Variants in ITFG1 observed in about 807,000 individuals in gnomAD.
ITFG1 encodes integrin alpha FG-GAP repeat containing 1.
Under a neutral mutation model 81.8 loss-of-function variants are expected in ITFG1, and 34 were observed. The observed-to-expected ratio is 0.42, with a 90% CI of 0.32 to 0.55. ITFG1 has a LOEUF of 0.55. Ranked by LOEUF, ITFG1 falls within the 20% of genes least tolerant of loss-of-function variation. ITFG1 has a pLI of 0.17. For synonymous variants in ITFG1, 285 were observed against 270.6 expected (o/e 1.05, Z -0.52); for missense variants, 672 against 755.4 (o/e 0.89, Z 1.29).
Position 47,260,577 on chromosome 16 carries a change from T to C in ITFG1, c.1189A>G (p.Met397Val), listed in dbSNP as rs2292171. The C allele has an allele frequency of 1.9e-6, 3 of 1,614,196 alleles. No individual in the cohort carries two copies. The East Asian group carries it at 6.7e-5, about 36-fold the overall frequency. ...LTDLNQIKDA[M>V]VATFFDIYED... ...TAAATGTCAAAGAAGGTGGCAACCA[T>C]GGCATCCTTAATTTGATTTAGGTCT... The change falls in exon 11 of 18, where the codon ATG becomes GTG. Residue 397 changes from methionine to valine, a missense_variant. Around this residue, in one of 3 missense-constraint regions of ITFG1, gnomAD observed 560 missense variants for 625.7 expected, o/e 0.90. Transcript: ENST00000320640.
intron 14 of ITFG1, among the ~76,000 whole-genome samples, chr16:47,181,584 G>A (rs1157572267): frequency 6.2e-5 from 9 of 145,980 alleles, no homozygotes; most frequent in Admixed American, 2.0e-4. Flanking sequence ...CCGGCCAGCC[G>A]CCCCGTCCAG....
chr16:47,432,185 C>T (rs1308075576), intron 5 of ITFG1, among the ~76,000 whole-genome samples: 1 of 152,206 alleles, frequency 6.6e-6, no homozygotes. Context: ...ATTTCCTATT[C>T]TTCTCTACTG....
intron 14 of ITFG1, among the ~76,000 whole-genome samples, chr16:47,185,107 A>T (rs1010165273): frequency 6.6e-6 from 1 of 151,990 alleles, no homozygotes; most frequent in African/African-American, 2.4e-5. Context: ...CACCCAATAC[A>T]GGAGCACCCA....
intron 15 of ITFG1, 127 bp downstream of exon 15, chr16:47,162,411 TTA>T: frequency 1.2e-6 from 1 of 822,332 alleles, no homozygotes; most frequent in Non-Finnish European, 1.8e-6. Flanking sequence ...TCTTTATTCT[TTA>T]AAGGGAATAA....
At chr16:47,449,346 C>G (rs369928784) in intron 5 of ITFG1, 1 of 152,202 alleles carries the variant, frequency 6.6e-6, no homozygotes, top group East Asian at 1.9e-4. Context: ...ATGCTGATGA[C>G]TTTTTCACTT....
intron 14 of ITFG1, chr16:47,202,074 G>A (rs539730920): frequency 3.3e-5 from 5 of 152,284 alleles, no homozygotes; most frequent in African/African-American, 9.6e-5. Context: ...CTAACTCATA[G>A]GCTGAACGCT....
intron 11 of ITFG1, 106 bp downstream of exon 11, chr16:47,260,439 C>T (rs907886477): frequency 1.4e-5 from 17 of 1,224,854 alleles, no homozygotes; most frequent in East Asian, 2.3e-5. Flanking sequence ...AACTCATTTG[C>T]TTTTTGTTGT....
At chr16:47,244,675 C>T (rs1965978628) in intron 12 of ITFG1, among the ~76,000 whole-genome samples, 1 of 139,800 alleles carries the variant, frequency 7.2e-6, no homozygotes, top group Admixed American at 7.6e-5. Context: ...ATGTTATGGA[C>T]TGAATGAGTA....
intron 14 of ITFG1, among the ~76,000 whole-genome samples, chr16:47,179,278 A>G (rs948433807): frequency 5.3e-5 from 8 of 152,230 alleles, no homozygotes; most frequent in Admixed American, 6.5e-5. Flanking sequence ...ACATGCGCAC[A>G]TATGTTTATT....
At chr16:47,181,297 G>A (rs1965110506) in intron 14 of ITFG1, among the ~76,000 whole-genome samples, 1 of 149,332 alleles carries the variant, frequency 6.7e-6, no homozygotes, top group Admixed American at 6.6e-5. Flanking sequence ...GAGCGTCTCT[G>A]TCTGGGAAGT....
At chr16:47,198,706 A>G (rs1965386981) in intron 14 of ITFG1, among the ~76,000 whole-genome samples, 1 of 152,170 alleles carries the variant, frequency 6.6e-6, no homozygotes, top group Non-Finnish European at 1.5e-5. Flanking sequence ...CTAGTGGAAC[A>G]AGATGTGGAG....
chr16:47,426,232 T>C (rs916353504), intron 6 of ITFG1: 4 of 152,092 alleles, frequency 2.6e-5, no homozygotes, highest in Non-Finnish European at 4.4e-5. Context: ...CTTGTGCAGA[T>C]GGGTAGCAGT....
chr16:47,452,667 C>G (rs1969403676), intron 4 of ITFG1, 66 bp downstream of exon 4: 11 of 1,040,192 alleles, frequency 1.1e-5, no homozygotes, highest in Non-Finnish European at 1.6e-5. Context: ...AAGTAGTTTC[C>G]TATGTGAAGA....
chr16:47,190,877 G>A (rs1167802085), intron 14 of ITFG1, among the ~76,000 whole-genome samples: 1 of 152,196 alleles, frequency 6.6e-6, no homozygotes, highest in Non-Finnish European at 1.5e-5. Context: ...GGTGTTACCT[G>A]GGGTTGGGGT....
rs555338375 is a variant in ITFG1, at chr16:47,218,887, C to T, written c.1434G>A (p.Gly478=). ...TCTTACCTGATCCATTTTTCAGATA[C>T]CCATTTGCATCTACAGTTGTATACA... ...YIMYTTVDAN[G]YLKNGSAGQL... The change falls in exon 14 of 18, where the codon GGG becomes GGA. Residue 478 remains glycine, a synonymous_variant. Coordinates refer to ENST00000320640, the MANE Select transcript of ITFG1 (RefSeq NM_030790.5). 2.2e-5 allele frequency: 35 copies of T among 1,595,678 alleles called. No individual in the cohort carries two copies. The South Asian group carries it at 2.3e-4, about 10-fold the overall frequency.
At chr16:47,187,582 C>T (rs371993351) in intron 14 of ITFG1, among the ~76,000 whole-genome samples, 1 of 152,010 alleles carries the variant, frequency 6.6e-6, no homozygotes, top group Non-Finnish European at 1.5e-5. Flanking sequence ...AAACTGGATC[C>T]CTTCCTTACA....
chr16:47,342,962 C>A (rs1967804556), intron 8 of ITFG1, among the ~76,000 whole-genome samples: 1 of 152,068 alleles, frequency 6.6e-6, no homozygotes, highest in Non-Finnish European at 1.5e-5. Context: ...CTCAAAATTT[C>A]AACAGCCTTT....
chr16:47,341,334 A>G (rs560270874), intron 8 of ITFG1, among the ~76,000 whole-genome samples: 14 of 141,400 alleles, frequency 9.9e-5, no homozygotes, highest in African/African-American at 3.6e-4. Context: ...GCTACTCTGG[A>G]GGCTGAGGTG....
At chr16:47,253,825 G>A (rs750145903) in intron 12 of ITFG1, among the ~76,000 whole-genome samples, 2 of 152,078 alleles carry the variant, frequency 1.3e-5, no homozygotes, top group Non-Finnish European at 1.5e-5. Context: ...CTCGCCCTCC[G>A]GCCGTTCACC....
Sources: gnomAD v4.1 joint callset for allele counts (sites outside exome capture counted in the v4.1 genomes callset) on GRCh38, gnomAD v4.1.1 for gene constraint, gnomAD v4.1.1 regional missense constraint, MANE v1.5 for transcripts, NCBI Gene and HGNC (gene_info 2026-07-23, HGNC 2026-07-21) for gene names.